The following ZNF385D variants were observed in gnomAD, a reference collection of about 807,000 sequenced individuals.
The protein encoded by ZNF385D is zinc finger protein 385D.
In ZNF385D, 15 loss-of-function variants were observed where a neutral mutation model predicts 35.8. The observed-to-expected ratio is 0.42, with a 90% CI of 0.28 to 0.64. The LOEUF (loss-of-function observed/expected upper bound fraction) is 0.64, where lower values mean the gene tolerates loss of function less well. Among genes scored for constraint, ZNF385D ranks in the 30% least tolerant of loss-of-function variants. The pLI, the probability that ZNF385D is intolerant of heterozygous loss-of-function variation, is 0.23. For missense variants in ZNF385D, 474 were observed against 494.6 expected (o/e 0.96, Z 0.39); for synonymous variants, 212 against 186.8 (o/e 1.13, Z -1.10).
At chr3:22,171,869 T>C (rs1283399049) in intron 2 of ZNF385D, among the ~76,000 whole-genome samples, 1 of 108,850 alleles carries the variant, frequency 9.2e-6, no homozygotes, top group Non-Finnish European at 1.7e-5. Context: ...AGAGCAAGAC[T>C]CGGTCTCAAA....
intron 3 of ZNF385D, among the ~76,000 whole-genome samples, chr3:21,880,895 A>G (rs1342485372): frequency 1.3e-5 from 2 of 151,810 alleles, no homozygotes; most frequent in Non-Finnish European, 3.0e-5. Flanking sequence ...TGGTCTGGAT[A>G]GAAGATTAAA....
chr3:22,255,247 G>T (rs1700255759), intron 2 of ZNF385D, among the ~76,000 whole-genome samples: 1 of 149,052 alleles, frequency 6.7e-6, no homozygotes, highest in Non-Finnish European at 1.5e-5. Context: ...AATTCATGTT[G>T]ACACTGATTT....
At chr3:21,529,489 AT>A (rs1003328258) in intron 3 of ZNF385D, among the ~76,000 whole-genome samples, 5 of 152,106 alleles carry the variant, frequency 3.3e-5, no homozygotes, top group African/African-American at 1.2e-4. Flanking sequence ...ATTTAGAAAG[AT>A]TTTTTTAAAA....
intron 2 of ZNF385D, among the ~76,000 whole-genome samples, chr3:22,246,104 T>C (rs1296353569): frequency 6.6e-6 from 1 of 152,108 alleles, no homozygotes; most frequent in East Asian, 1.9e-4. Flanking sequence ...AAACCACAGA[T>C]CATGAGAAAA....
chr3:22,139,565 T>G (rs1375707699), intron 3 of ZNF385D, among the ~76,000 whole-genome samples: 1 of 141,840 alleles, frequency 7.1e-6, no homozygotes, highest in African/African-American at 2.7e-5. Context: ...AATTGAACAA[T>G]GAGAACACAT....
intron 3 of ZNF385D, among the ~76,000 whole-genome samples, chr3:22,144,478 G>GCAGGAAAT (rs1398033645): frequency 2.0e-5 from 3 of 146,816 alleles, no homozygotes; most frequent in Non-Finnish European, 4.4e-5. Flanking sequence ...GGAGGCTAAG[G>GCAGGAAAT]CAGGAAATTG....
chr3:22,282,099 G>A (rs988015006), intron 2 of ZNF385D, among the ~76,000 whole-genome samples: 5 of 151,738 alleles, frequency 3.3e-5, no homozygotes, highest in African/African-American at 7.3e-5. Context: ...AATATATCCC[G>A]TTTCATTTCT....
At chr3:21,785,181 G>C (rs1559619625) in intron 3 of ZNF385D, among the ~76,000 whole-genome samples, 1 of 152,086 alleles carries the variant, frequency 6.6e-6, no homozygotes, top group African/African-American at 2.4e-5. Context: ...TAAGAGAGCA[G>C]CTAGAATGGA....
chr3:21,933,329 G>A (rs940134440), intron 3 of ZNF385D, among the ~76,000 whole-genome samples: 2 of 152,128 alleles, frequency 1.3e-5, no homozygotes, highest in African/African-American at 4.8e-5. Context: ...AAATTTCTCT[G>A]ACTTTGAATA....
chr3:21,459,166 G>C (rs148317659), intron 4 of ZNF385D, among the ~76,000 whole-genome samples: 89 of 152,240 alleles, frequency 5.8e-4, no homozygotes, highest in African/African-American at 2.1e-3. Context: ...TGCTATTTAA[G>C]TGCTTTTGGG....
chr3:22,299,347 TTACTC>T (rs1287687624), intron 2 of ZNF385D, among the ~76,000 whole-genome samples: 10 of 151,846 alleles, frequency 6.6e-5, no homozygotes, highest in African/African-American at 2.4e-4. Context: ...TTTTGTAACT[TTACTC>T]TAGGCCCTGA....
intron 3 of ZNF385D, among the ~76,000 whole-genome samples, chr3:22,014,566 C>G (rs185080439): frequency 1.3e-3 from 198 of 151,976 alleles, no homozygotes; most frequent in Non-Finnish European, 2.6e-3. Flanking sequence ...CCACCTACCC[C>G]CAAAATGCAG....
rs1014198397 is a variant in ZNF385D at position 21,417,406 on chromosome 3, G to A, written c.*3808C>T. 1.1e-4 allele frequency: 16 copies of A among 152,106 alleles called. No homozygotes were observed. Among genetic ancestry groups the A allele is most frequent in the Middle Eastern group, 6.8e-3 (2 of 294 alleles). The allele number at this position is 152,106 out of a possible 1,614,324, so 9.4% of individuals were successfully genotyped here. On this transcript the variant is annotated 3_prime_UTR_variant, in exon 8 of 8. Transcript: ENST00000281523. ...CATTGCTTTTCCCACCACTTCATGC[G>A]GCTTTTGGGTGAACAAAGTTATTAA...
chr3:22,189,140 T>A (rs2125221208), intron 2 of ZNF385D, among the ~76,000 whole-genome samples: 1 of 152,240 alleles, frequency 6.6e-6, no homozygotes, highest in South Asian at 2.1e-4. Context: ...TAGGGTTAAG[T>A]TTTGCTCATA....
chr3:21,690,229 A>G (rs754760915), intron 1 of ZNF385D, among the ~76,000 whole-genome samples: 1 of 152,178 alleles, frequency 6.6e-6, no homozygotes, highest in Non-Finnish European at 1.5e-5. Flanking sequence ...ATATACATCC[A>G]TACACACACA....
intron 2 of ZNF385D, among the ~76,000 whole-genome samples, chr3:22,327,740 T>C (rs1320127297): frequency 6.6e-6 from 1 of 152,186 alleles, no homozygotes; most frequent in East Asian, 1.9e-4. Context: ...AACGGAGCTC[T>C]AGGCAAGGAG....
At chr3:22,290,721 A>G (rs973736773) in intron 2 of ZNF385D, among the ~76,000 whole-genome samples, 55 of 152,046 alleles carry the variant, frequency 3.6e-4, no homozygotes, top group African/African-American at 1.2e-3. Flanking sequence ...CAAAAATCCA[A>G]CGTGTAGGAT....
chr3:21,475,785 T>C (rs909170286), intron 4 of ZNF385D, among the ~76,000 whole-genome samples: 13 of 152,160 alleles, frequency 8.5e-5, no homozygotes, highest in African/African-American at 2.7e-4. Flanking sequence ...GAAGATTATA[T>C]TTTATAGACA....
intron 3 of ZNF385D, among the ~76,000 whole-genome samples, chr3:21,871,718 A>T (rs1276194575): frequency 9.2e-5 from 14 of 152,080 alleles, no homozygotes; most frequent in Admixed American, 3.3e-4. Flanking sequence ...TTTAAAAATT[A>T]CTCCAGGCCG....
Sources: gnomAD v4.1 joint callset for allele counts (sites outside exome capture counted in the v4.1 genomes callset) on GRCh38, gnomAD v4.1.1 for gene constraint, MANE v1.5 for transcripts, NCBI Gene and HGNC (gene_info 2026-07-23, HGNC 2026-07-21) for gene names.